PRELID2: variants seen among roughly 807,000 people sequenced by gnomAD.
PRELID2 encodes PRELI domain containing 2.
In PRELID2, 25 loss-of-function variants were observed where a neutral mutation model predicts 28.4. The observed-to-expected ratio is 0.88, with a 90% CI of 0.64 to 1.23. The LOEUF is 1.23. Ranked by LOEUF, PRELID2 falls within the 50% of genes most tolerant of loss-of-function variation. The probability of loss-of-function intolerance (pLI) is 0.00; values close to 1 mark genes in which losing one functional copy is unlikely to be tolerated. For missense variants in PRELID2, 201 were observed against 214.4 expected (o/e 0.94, Z 0.39); for synonymous variants, 76 against 71.6 (o/e 1.06, Z -0.31).
At chr5:145,424,307 G>T in the PRELID2 span, among the ~76,000 whole-genome samples, 1 of 152,188 alleles carries the variant, frequency 6.6e-6, no homozygotes, top group Non-Finnish European at 1.5e-5. Flanking sequence ...AATCAAGCCT[G>T]GGCAATGGCG....
the PRELID2 span, among the ~76,000 whole-genome samples, chr5:145,305,433 G>A: frequency 1.2e-4 from 19 of 152,256 alleles, no homozygotes; most frequent in East Asian, 3.7e-3. Flanking sequence ...ACCCTAAGGA[G>A]AAGATTGTAG....
intron 1 of PRELID2, among the ~76,000 whole-genome samples, chr5:145,491,865 A>G (rs572471632): frequency 8.8e-4 from 134 of 152,266 alleles, no homozygotes; most frequent in African/African-American, 3.1e-3. Flanking sequence ...TGTTGTCACA[A>G]TGACAGGCTT....
intron 4 of PRELID2, among the ~76,000 whole-genome samples, chr5:145,802,396 T>A (rs565949066): frequency 6.6e-6 from 1 of 152,326 alleles, no homozygotes; most frequent in East Asian, 1.9e-4. Context: ...ATCTATTTTT[T>A]CTTCATTGAA....
chr5:145,296,412 A>G, the PRELID2 span, among the ~76,000 whole-genome samples: 2 of 136,302 alleles, frequency 1.5e-5, no homozygotes, highest in Admixed American at 8.8e-5. Context: ...TCATTGTTCA[A>G]TTCCCACCTA....
intron 1 of PRELID2, among the ~76,000 whole-genome samples, chr5:145,611,524 C>T (rs889772423): frequency 6.6e-6 from 1 of 152,106 alleles, no homozygotes; most frequent in African/African-American, 2.4e-5. Flanking sequence ...ATTAAAAATT[C>T]TTCTAAGACC....
intron 1 of PRELID2, among the ~76,000 whole-genome samples, chr5:145,745,673 C>G (rs1756971381): frequency 1.3e-5 from 2 of 152,008 alleles, no homozygotes; most frequent in Non-Finnish European, 2.9e-5. Context: ...ACCAGCCTAG[C>G]CAACATGGTG....
intron 4 of PRELID2, among the ~76,000 whole-genome samples, chr5:145,801,188 A>T (rs2149826463): frequency 6.6e-6 from 1 of 152,340 alleles, no homozygotes; most frequent in African/African-American, 2.4e-5. Flanking sequence ...GACCCTGAGT[A>T]TCACTTTTAT....
At chr5:145,303,188 T>C in the PRELID2 span, among the ~76,000 whole-genome samples, 1 of 152,078 alleles carries the variant, frequency 6.6e-6, no homozygotes. Context: ...CCCCAAAAAG[T>C]AGGAGAGTGA....
intron 1 of PRELID2, among the ~76,000 whole-genome samples, chr5:145,631,704 T>C (rs1753934646): frequency 6.6e-6 from 1 of 152,138 alleles, no homozygotes; most frequent in Admixed American, 6.6e-5. Flanking sequence ...AATGAACGAA[T>C]AACTAATAAA....
At chr5:145,485,475 G>A (rs1054720852) in intron 1 of PRELID2, among the ~76,000 whole-genome samples, 4 of 152,220 alleles carry the variant, frequency 2.6e-5, no homozygotes, top group African/African-American at 4.8e-5. Context: ...TTCAGAATGA[G>A]TGCATGTATG....
At chr5:145,353,582 G>A in the PRELID2 span, among the ~76,000 whole-genome samples, 4 of 152,140 alleles carry the variant, frequency 2.6e-5, no homozygotes, top group African/African-American at 9.7e-5. Context: ...TTACAATCAT[G>A]GTGGAAGGGG....
At chr5:145,450,431 A>G in the PRELID2 span, among the ~76,000 whole-genome samples, 3 of 152,158 alleles carry the variant, frequency 2.0e-5, no homozygotes. Flanking sequence ...TTTTCAGCAC[A>G]AGGAGAAGCA....
chr5:145,364,750 C>T, the PRELID2 span, among the ~76,000 whole-genome samples: 1 of 151,880 alleles, frequency 6.6e-6, no homozygotes, highest in Non-Finnish European at 1.5e-5. Flanking sequence ...TGGATTTCAC[C>T]AAATTACATA....
the PRELID2 span, among the ~76,000 whole-genome samples, chr5:145,233,694 T>C: frequency 6.6e-6 from 1 of 152,172 alleles, no homozygotes; most frequent in African/African-American, 2.4e-5. Flanking sequence ...CACAGCTACC[T>C]GTCTTCTGTG....
the PRELID2 span, among the ~76,000 whole-genome samples, chr5:145,371,745 G>A: frequency 4.0e-5 from 6 of 150,944 alleles, no homozygotes. Context: ...TTTGCCTAGA[G>A]ATGTTTATAG....
chr5:145,519,018 G>C (rs1011941830), intron 1 of PRELID2, among the ~76,000 whole-genome samples: 1 of 152,144 alleles, frequency 6.6e-6, no homozygotes, highest in Non-Finnish European at 1.5e-5. Flanking sequence ...TGTTGCCACT[G>C]TCTTTAACTT....
the PRELID2 span, among the ~76,000 whole-genome samples, chr5:145,332,388 C>G: frequency 1.3e-5 from 2 of 152,320 alleles, no homozygotes; most frequent in African/African-American, 2.4e-5. Context: ...TTCTTCCCAT[C>G]ACTTTCAGGT....
At chr5:145,642,819 T>C (rs1426273257) in intron 1 of PRELID2, among the ~76,000 whole-genome samples, 1 of 152,196 alleles carries the variant, frequency 6.6e-6, no homozygotes, top group Non-Finnish European at 1.5e-5. Flanking sequence ...AAAGATCAGA[T>C]GTTTGTAGAT....
At chr5:145,441,390 A>G in the PRELID2 span, among the ~76,000 whole-genome samples, 6 of 151,992 alleles carry the variant, frequency 3.9e-5, no homozygotes, top group African/African-American at 1.4e-4. Context: ...ATCTCTTGCC[A>G]CCATACATCA....
Sources: gnomAD v4.1 joint callset for allele counts (sites outside exome capture counted in the v4.1 genomes callset) on GRCh38, gnomAD v4.1.1 for gene constraint, MANE v1.5 for transcripts, NCBI Gene and HGNC (gene_info 2026-07-23, HGNC 2026-07-21) for gene names.